Variants in MYO18B observed in about 807,000 individuals in gnomAD.
The protein encoded by MYO18B is myosin XVIIIB.
A neutral mutation model predicts 273.0 loss-of-function variants in MYO18B; 204 were observed. That is an observed-to-expected ratio of 0.75 (90% CI 0.67 to 0.84). The LOEUF (loss-of-function observed/expected upper bound fraction) is 0.84, where lower values mean the gene tolerates loss of function less well. Ranked by LOEUF, MYO18B falls within the 40% of genes least tolerant of loss-of-function variation. The probability of loss-of-function intolerance (pLI) is 0.00; values close to 1 mark genes in which losing one functional copy is unlikely to be tolerated. For synonymous variants in MYO18B, 1,330 were observed against 1,305.7 expected (o/e 1.02, Z -0.40); for missense variants, 3,212 against 3,287.6 (o/e 0.98, Z 0.56).
At chr22:25,811,305 G>A (rs2088748573) in intron 12 of MYO18B, among the ~76,000 whole-genome samples, 1 of 151,918 alleles carries the variant, frequency 6.6e-6, no homozygotes, top group African/African-American at 2.4e-5. Context: ...TTACAGGCAT[G>A]AGCCACCGCG....
Position 26,026,614 on chromosome 22 carries a change from CAGAG to C in MYO18B, c.6642_6645del (p.Arg2215SerfsTer6). 6.2e-7 allele frequency: 1 copy of C among 1,613,838 alleles called. No individual in the cohort carries two copies. The highest frequency in any genetic ancestry group is 1.3e-5 in the African/African-American group (1 of 75,012). On this transcript the variant is annotated frameshift_variant, in exon 43 of 44. Transcript: ENST00000335473. LOFTEE classifies it high-confidence loss of function. ...TGGGGACGGCGAAGTGCTTGCCGTC[CAGAG>C]AAAGTCCACAGAGAGATTAGAACCT...
At chr22:25,941,000 C>T (rs2092637334) in intron 34 of MYO18B, among the ~76,000 whole-genome samples, 2 of 152,154 alleles carry the variant, frequency 1.3e-5, no homozygotes, top group African/African-American at 4.8e-5. Flanking sequence ...AATTAGAGAA[C>T]AATAGAATGA....
intron 31 of MYO18B, among the ~76,000 whole-genome samples, chr22:25,908,091 G>A (rs1404734217): frequency 6.6e-6 from 1 of 151,866 alleles, no homozygotes. Context: ...TAAACTCAGT[G>A]GGAAAGTGTG....
At chr22:25,833,461 C>T (rs540044549) in intron 16 of MYO18B, among the ~76,000 whole-genome samples, 5 of 152,206 alleles carry the variant, frequency 3.3e-5, no homozygotes, top group Middle Eastern at 3.4e-3. Flanking sequence ...GGCAGACAGG[C>T]GTTAGTTTGA....
the MYO18B span, among the ~76,000 whole-genome samples, chr22:26,040,609 G>A: frequency 3.9e-5 from 6 of 152,162 alleles, no homozygotes; most frequent in Non-Finnish European, 7.3e-5. Flanking sequence ...TAGATAGAGT[G>A]GGCAGGAGAA....
intron 39 of MYO18B, among the ~76,000 whole-genome samples, chr22:25,963,820 A>G (rs1461166703): frequency 6.6e-6 from 1 of 151,884 alleles, no homozygotes; most frequent in African/African-American, 2.4e-5. Context: ...AAAAGTGTCA[A>G]ATGACAGCCC....
At chr22:26,057,883 A>G in the MYO18B span, among the ~76,000 whole-genome samples, 3 of 152,168 alleles carry the variant, frequency 2.0e-5, no homozygotes, top group African/African-American at 7.2e-5. Context: ...TTGAACACCT[A>G]TCAGAGGGAG....
intron 42 of MYO18B, among the ~76,000 whole-genome samples, chr22:26,024,121 G>A (rs1267503513): frequency 6.6e-6 from 1 of 152,162 alleles, no homozygotes; most frequent in East Asian, 1.9e-4. Context: ...CTTCAATTGA[G>A]GCTTTTATTG....
Position 25,843,904 on chromosome 22 carries a change from G to C in MYO18B, c.3368+10G>C. The C allele has an allele frequency of 6.3e-7, 1 of 1,595,828 alleles. No individual in the cohort carries two copies. Reference sequence around the variant, plus strand: ...TGCACCAGTCAAAAAGGTGAGTTGGGTCAGGGTTGGGGACGGGGATGGAGC... The same window carrying C: ...TGCACCAGTCAAAAAGGTGAGTTGGCTCAGGGTTGGGGACGGGGATGGAGC... On this transcript the variant is annotated intron_variant, in intron 18 of 43. Transcript: ENST00000335473.
At chr22:25,760,219 G>T (rs1568976037) in intron 1 of MYO18B, among the ~76,000 whole-genome samples, 1 of 151,942 alleles carries the variant, frequency 6.6e-6, no homozygotes, top group Non-Finnish European at 1.5e-5. Flanking sequence ...TTCGAGTCCA[G>T]CCTGGCCAAT....
chr22:26,032,514 C>T (rs1315290814), downstream of MYO18B, among the ~76,000 whole-genome samples: 1 of 146,214 alleles, frequency 6.8e-6, no homozygotes, highest in Admixed American at 6.8e-5. Flanking sequence ...TTTTAATCAC[C>T]CTGTTTTTTT....
In MYO18B at chr22:25,916,949, T is replaced by C. The variant is rs920609211; in HGVS notation, c.5365-4308T>C. On this transcript the variant is annotated intron_variant, in intron 33 of 43. Coordinates refer to ENST00000335473, the MANE Select transcript of MYO18B (RefSeq NM_032608.7). Reference sequence around the variant, plus strand: ...CAGGGGGCTGAGGCATGAGAATCACTAGAACCCAGGAGGCAGAGGTTGTAG... The same window carrying C: ...CAGGGGGCTGAGGCATGAGAATCACCAGAACCCAGGAGGCAGAGGTTGTAG... 1.4e-4 allele frequency among the ~76,000 whole-genome samples: 22 copies of C among 152,204 alleles called. No individual in the cohort carries two copies. In the East Asian group the frequency reaches 4.2e-3, roughly 29 times the overall value.
rs1377663394 is a variant in MYO18B, at chr22:26,003,308, A to T, written c.6331A>T (p.Met2111Leu). The T allele has an allele frequency of 6.2e-7, 1 of 1,605,998 alleles. No individual in the cohort carries two copies. The highest frequency in any genetic ancestry group is 8.5e-7 in the Non-Finnish European group (1 of 1,176,476). ...VDCGSSGRKE[M>L]DNVSILSSQP... ...TTGTGGCAGCAGCGGCCGAAAAGAG[A>T]TGTAAGTTAACCCCAGGTAGAACTG... Residue 2111 changes from methionine to leucine, a missense_variant and splice_region_variant, in exon 41 of 44, where the codon ATG becomes TTG. By Grantham distance (15) the Met-to-Leu change is conservative (BLOSUM62 2). Coordinates refer to ENST00000335473, the MANE Select transcript of MYO18B (RefSeq NM_032608.7).
intron 29 of MYO18B, chr22:25,899,224 C>T (rs949078386): frequency 3.3e-5 from 5 of 152,228 alleles, no homozygotes; most frequent in Non-Finnish European, 7.3e-5. Flanking sequence ...CACTCATAGG[C>T]TTCTTCATGC....
At chr22:26,020,282 G>A (rs1481913116) in intron 42 of MYO18B, among the ~76,000 whole-genome samples, 1 of 152,012 alleles carries the variant, frequency 6.6e-6, no homozygotes, top group African/African-American at 2.4e-5. Flanking sequence ...TGCTTCTGTG[G>A]CTGACACTAG....
rs117089369 is a variant in MYO18B, at chr22:25,877,771, A to G, written c.4225-188A>G. Among the ~76,000 whole-genome samples the G allele has an allele frequency of 5.4e-3, 820 of 152,160 alleles. 39 individuals are homozygous for G. The South Asian group carries it at 0.099, about 18-fold the overall frequency. ...GTGTGAGCCACTGTGCCCAGCCAAA[A>G]CCTACTTTTTACAAGCAATTTTGAA... On this transcript the variant is annotated intron_variant, in intron 24 of 43. Transcript: ENST00000335473.
Position 25,763,315 on chromosome 22 carries a change from G to A in MYO18B, c.124G>A (p.Val42Ile). ...CCCAGGGGGCTTCATTAAGCAACTGGTCCGGGGGACTGAAAAAGAGGCCAA... is the reference window on the plus strand; with the variant it reads ...CCCAGGGGGCTTCATTAAGCAACTGATCCGGGGGACTGAAAAAGAGGCCAA... ...VIPGGFIKQL[V>I]RGTEKEAKEA... The change falls in exon 3 of 44, where the codon GTC becomes ATC. Residue 42 changes from valine to isoleucine, a missense_variant. Coordinates refer to ENST00000335473, the MANE Select transcript of MYO18B (RefSeq NM_032608.7). 1.2e-6 allele frequency: 2 copies of A among 1,613,286 alleles called. No homozygotes were observed. Among genetic ancestry groups the A allele is most frequent in the Non-Finnish European group, 1.7e-6 (2 of 1,179,744 alleles).
At chr22:25,927,665 T>C (rs963178684) in intron 34 of MYO18B, among the ~76,000 whole-genome samples, 6 of 152,278 alleles carry the variant, frequency 3.9e-5, no homozygotes, top group South Asian at 4.2e-4. Context: ...CCTATTCGCG[T>C]ACTCCCTCCC....
the MYO18B span, among the ~76,000 whole-genome samples, chr22:26,045,013 TATC>T: frequency 1.3e-5 from 2 of 152,178 alleles, no homozygotes; most frequent in Non-Finnish European, 2.9e-5. Flanking sequence ...TTGGAGTTCC[TATC>T]ATCAAGGCAG....
Sources: gnomAD v4.1 joint callset for allele counts (sites outside exome capture counted in the v4.1 genomes callset) on GRCh38, gnomAD v4.1.1 for gene constraint, MANE v1.5 for transcripts, NCBI Gene and HGNC (gene_info 2026-07-23, HGNC 2026-07-21) for gene names.